RSPH14: variants seen among roughly 807,000 people sequenced by gnomAD.
RSPH14 encodes radial spoke head 14 homolog.
A neutral mutation model predicts 26.7 loss-of-function variants in RSPH14; 20 were observed. That is an observed-to-expected ratio of 0.75 (90% CI 0.53 to 1.09). The LOEUF is 1.09. Among genes scored for constraint, RSPH14 ranks in the 50% least tolerant of loss-of-function variants. The pLI is 0.00. For missense variants in RSPH14, 449 were observed against 457.2 expected (o/e 0.98, Z 0.16); for synonymous variants, 177 against 189.3 (o/e 0.93, Z 0.53).
upstream of RSPH14, among the ~76,000 whole-genome samples, chr22:23,142,483 G>A (rs758343872): frequency 3.9e-5 from 6 of 152,162 alleles, no homozygotes; most frequent in Non-Finnish European, 8.8e-5. Flanking sequence ...GATTATAGGC[G>A]GCCGCCATCA....
intron 4 of RSPH14, among the ~76,000 whole-genome samples, chr22:23,073,837 G>A (rs564479972): frequency 2.6e-4 from 40 of 152,134 alleles, no homozygotes; most frequent in African/African-American, 9.2e-4. Flanking sequence ...CACTCACAGT[G>A]CTCACACCAG....
At chr22:23,138,177 A>C (rs962436782) in intron 3 of RSPH14, among the ~76,000 whole-genome samples, 1 of 152,148 alleles carries the variant, frequency 6.6e-6, no homozygotes, top group Non-Finnish European at 1.5e-5. Flanking sequence ...CCCTGTGGGG[A>C]TCTGGGTTGG....
At chr22:23,121,100 C>T (rs987394634) in intron 4 of RSPH14, among the ~76,000 whole-genome samples, 3 of 152,192 alleles carry the variant, frequency 2.0e-5, no homozygotes, top group African/African-American at 4.8e-5. Context: ...CAGCCAGGTT[C>T]ACTGCGGAGG....
chr22:23,122,801 C>T (rs2070069359), intron 4 of RSPH14: 1 of 484,012 alleles, frequency 2.1e-6, no homozygotes, highest in South Asian at 3.0e-5. Context: ...CATCTGTAGC[C>T]CCAAAGCTAT....
the RSPH14 span, among the ~76,000 whole-genome samples, chr22:23,157,728 C>T: frequency 1.3e-5 from 2 of 152,222 alleles, no homozygotes; most frequent in African/African-American, 2.4e-5. Flanking sequence ...GACGCTAAAG[C>T]CCATGCGCTC....
chr22:23,072,498 C>A (rs562226185), intron 4 of RSPH14, among the ~76,000 whole-genome samples: 1 of 152,186 alleles, frequency 6.6e-6, no homozygotes, highest in African/African-American at 2.4e-5. Flanking sequence ...CACTTTCCCC[C>A]CTAAGTCAGC....
At position 23,071,765 on chromosome 22, in the gene RSPH14, G is replaced by A. The variant is rs568817799; in HGVS notation, c.422-7632C>T. On this transcript the variant is annotated intron_variant, in intron 4 of 6. Coordinates refer to ENST00000216036, the MANE Select transcript of RSPH14 (RefSeq NM_014433.3). This position sits in a 1 kb window ranked among gnomAD's most constrained non-coding sequence, Gnocchi z 4.1. ...CTGGGCTGGGGGGTCAGGTGAGCTC[G>A]TGGGCAACATGACATTTGAACTGGA... Among the ~76,000 whole-genome samples, 7 of 152,334 alleles carry A rather than the reference G, an allele frequency of 4.6e-5. No homozygotes were observed. In the South Asian group the frequency reaches 8.3e-4, roughly 18 times the overall value.
chr22:23,168,718 C>G, the RSPH14 span, among the ~76,000 whole-genome samples: 1 of 152,166 alleles, frequency 6.6e-6, no homozygotes. Flanking sequence ...TTTGTCCAGG[C>G]ACCCCCTCAG....
the RSPH14 span, chr22:23,153,148 TC>T: frequency 6.2e-7 from 1 of 1,605,016 alleles, no homozygotes. Flanking sequence ...AGTTGCTGGT[TC>T]CCCCATGGCT....
chr22:23,081,397 G>A (rs896810493), intron 4 of RSPH14, among the ~76,000 whole-genome samples: 1 of 152,196 alleles, frequency 6.6e-6, no homozygotes, highest in African/African-American at 2.4e-5. Flanking sequence ...AAGTACACGT[G>A]TGTCATTTCT....
At chr22:23,157,851 T>C in the RSPH14 span, 2 of 1,539,016 alleles carry the variant, frequency 1.3e-6, no homozygotes, top group South Asian at 1.3e-5. Flanking sequence ...CTCCTCAGCC[T>C]TCATTGTAGG....
At chr22:23,133,656 C>T (rs771015377) in intron 4 of RSPH14, among the ~76,000 whole-genome samples, 1 of 152,068 alleles carries the variant, frequency 6.6e-6, no homozygotes, top group African/African-American at 2.4e-5. Flanking sequence ...GTGGTGCAAT[C>T]TTGGCTCACT....
intron 4 of RSPH14, among the ~76,000 whole-genome samples, chr22:23,115,597 G>A (rs1398842007): frequency 2.0e-5 from 3 of 152,138 alleles, no homozygotes; most frequent in Non-Finnish European, 4.4e-5. Context: ...GGGTGACCCT[G>A]CAGGGTGGCC....
In RSPH14 at chr22:23,096,461, G is replaced by T. The variant is rs190421220; in HGVS notation, c.422-32328C>A. ...TTTTCCTCTGCTTGTTCCTGCTGTC[G>T]TGGGTTCCTGGAAGCAAGAGGACTC... On this transcript the variant is annotated intron_variant, in intron 4 of 6. Coordinates refer to ENST00000216036, the MANE Select transcript of RSPH14 (RefSeq NM_014433.3). 82 of 1,557,196 alleles carry T rather than the reference G, an allele frequency of 5.3e-5. No homozygotes were observed. In the African/African-American group the frequency reaches 1.0e-3, roughly 19 times the overall value.
chr22:23,085,852 C>T (rs917845397), intron 4 of RSPH14, among the ~76,000 whole-genome samples: 2 of 152,246 alleles, frequency 1.3e-5, no homozygotes, highest in African/African-American at 4.8e-5. Context: ...GGCACTAACC[C>T]TTCCCCAGAG....
the RSPH14 span, chr22:23,162,897 G>C: frequency 0.5 from 173,728 of 344,214 alleles, 44,382 homozygotes; most frequent in East Asian, 0.64. Context: ...ATTTTTTGTA[G>C]TTTTTTATAT....
At chr22:23,164,393 T>C in the RSPH14 span, 1 of 152,236 alleles carries the variant, frequency 6.6e-6, no homozygotes, top group Non-Finnish European at 1.5e-5. Flanking sequence ...ACTGACATAG[T>C]TGTGGCCTCT....
chr22:23,074,650 G>A (rs1047365391), intron 4 of RSPH14, among the ~76,000 whole-genome samples: 1 of 152,200 alleles, frequency 6.6e-6, no homozygotes, highest in African/African-American at 2.4e-5. Flanking sequence ...GCTGAGCTGG[G>A]CTCCTGGGCC....
chr22:23,085,944 C>T (rs1321580374), intron 4 of RSPH14, among the ~76,000 whole-genome samples: 1 of 152,274 alleles, frequency 6.6e-6, no homozygotes, highest in African/African-American at 2.4e-5. Flanking sequence ...GGCTCTCACA[C>T]CCTCCAGCAG....
Sources: allele counts gnomAD v4.1 joint callset (sites outside exome capture counted in the v4.1 genomes callset), GRCh38; gene constraint gnomAD v4.1.1; non-coding constraint Gnocchi (gnomAD v3.1); transcripts MANE v1.5; gene names NCBI Gene and HGNC (gene_info 2026-07-23, HGNC 2026-07-21).